The following ZNF385D variants were observed in gnomAD, a reference collection of about 807,000 sequenced individuals.
ZNF385D encodes zinc finger protein 659.
In ZNF385D, 15 loss-of-function variants were observed where a neutral mutation model predicts 35.8. The ratio of observed to expected loss-of-function variants is 0.42; its 90% CI spans 0.28 to 0.64. The LOEUF (loss-of-function observed/expected upper bound fraction) is 0.64. Among genes scored for constraint, ZNF385D ranks in the 30% least tolerant of loss-of-function variants. The pLI is 0.23. For missense variants in ZNF385D, 474 were observed against 494.6 expected (o/e 0.96, Z 0.39); for synonymous variants, 212 against 186.8 (o/e 1.13, Z -1.10).
At chr3:22,039,255 C>CAAAAA (rs376799573) in intron 3 of ZNF385D, among the ~76,000 whole-genome samples, 2 of 104,100 alleles carry the variant, frequency 1.9e-5, no homozygotes, top group Non-Finnish European at 3.8e-5. Flanking sequence ...TAATCCAAGC[C>CAAAAA]AAAAAAAAAA....
intron 2 of ZNF385D, among the ~76,000 whole-genome samples, chr3:22,349,872 G>A (rs1695837632): frequency 6.6e-6 from 1 of 152,050 alleles, no homozygotes; most frequent in Non-Finnish European, 1.5e-5. Flanking sequence ...TCTTGTGTAG[G>A]ACAATAACCA....
At chr3:22,179,237 TG>T (rs1484422322) in intron 2 of ZNF385D, among the ~76,000 whole-genome samples, 1 of 152,220 alleles carries the variant, frequency 6.6e-6, no homozygotes, top group East Asian at 1.9e-4. Flanking sequence ...GTCTTCCATT[TG>T]TTTGTATCCT....
intron 3 of ZNF385D, among the ~76,000 whole-genome samples, chr3:22,045,197 G>A (rs372443469): frequency 6.6e-6 from 1 of 151,944 alleles, no homozygotes; most frequent in African/African-American, 2.4e-5. Flanking sequence ...ATATCATGGG[G>A]CTTTCCTCTA....
chr3:22,177,231 C>T (rs1484657562), intron 2 of ZNF385D, among the ~76,000 whole-genome samples: 3 of 152,074 alleles, frequency 2.0e-5, no homozygotes, highest in African/African-American at 7.2e-5. Context: ...AAACATCAAC[C>T]CTATTTTCTT....
chr3:21,481,669 C>G (rs573039217), intron 4 of ZNF385D, among the ~76,000 whole-genome samples: 1 of 152,072 alleles, frequency 6.6e-6, no homozygotes. Context: ...GCTGGGATTA[C>G]AGGTGACAGC....
chr3:21,738,141 T>C (rs1575565068), intron 1 of ZNF385D, among the ~76,000 whole-genome samples: 1 of 152,168 alleles, frequency 6.6e-6, no homozygotes, highest in Non-Finnish European at 1.5e-5. Flanking sequence ...GAGAGGAGTT[T>C]TGTTTGTGCA....
chr3:22,015,720 C>T (rs550487456), intron 3 of ZNF385D, among the ~76,000 whole-genome samples: 1 of 152,224 alleles, frequency 6.6e-6, no homozygotes, highest in African/African-American at 2.4e-5. Flanking sequence ...CTTGTTTTTA[C>T]TACCATAGTA....
chr3:21,413,728 T>C lies in ZNF385D; in HGVS notation c.*7486A>G, dbSNP rs1700524226. ...TGTAGAGCAAACCATAGTCTATTTT[T>C]AATTTCAAAATAGTGCTCATGTTTG... On this transcript the variant is annotated 3_prime_UTR_variant, in exon 8 of 8. Transcript: ENST00000281523. 1 of 152,128 alleles carries C rather than the reference T, an allele frequency of 6.6e-6. No individual in the cohort carries two copies. The highest frequency in any genetic ancestry group is 2.1e-4 in the South Asian group (1 of 4,834). The allele number at this position is 152,128 out of a possible 1,614,324, so 9.4% of individuals were successfully genotyped here. A position where few individuals can be genotyped will look rare whatever the true frequency, so the allele number is the denominator to read the frequency against.
chr3:21,474,415 T>A (rs1385332146), intron 4 of ZNF385D, among the ~76,000 whole-genome samples: 1 of 152,106 alleles, frequency 6.6e-6, no homozygotes, highest in Admixed American at 6.6e-5. Context: ...CAGAAACAAA[T>A]GTGTGCTAAA....
At chr3:21,538,916 C>A (rs999178887) in intron 3 of ZNF385D, among the ~76,000 whole-genome samples, 1 of 151,970 alleles carries the variant, frequency 6.6e-6, no homozygotes, top group Non-Finnish European at 1.5e-5. Context: ...TGGGGTGATT[C>A]AAAGTCAAGC....
At chr3:21,698,720 C>G (rs1179507251) in intron 1 of ZNF385D, among the ~76,000 whole-genome samples, 2 of 140,790 alleles carry the variant, frequency 1.4e-5, no homozygotes, top group Admixed American at 1.4e-4. Flanking sequence ...ATTTATGCAG[C>G]CAACAAACAT....
At chr3:21,744,653 G>A (rs1412718690) in intron 1 of ZNF385D, among the ~76,000 whole-genome samples, 1 of 152,126 alleles carries the variant, frequency 6.6e-6, no homozygotes, top group Non-Finnish European at 1.5e-5. Context: ...CTATAATTTT[G>A]CTATCTTATA....
intron 2 of ZNF385D, among the ~76,000 whole-genome samples, chr3:21,580,809 A>G (rs185033605): frequency 0.2 from 30,390 of 151,338 alleles, 3,786 homozygotes; most frequent in Non-Finnish European, 0.28. Context: ...ATGTGTGTGT[A>G]TATATATATA....
intron 2 of ZNF385D, among the ~76,000 whole-genome samples, chr3:22,328,389 TTC>T (rs1466295105): frequency 6.6e-6 from 1 of 152,192 alleles, no homozygotes; most frequent in Non-Finnish European, 1.5e-5. Flanking sequence ...ATTTCTATAC[TTC>T]TGATGTTAGT....
chr3:21,801,675 C>T (rs755428931), intron 3 of ZNF385D, among the ~76,000 whole-genome samples: 4 of 152,222 alleles, frequency 2.6e-5, no homozygotes, highest in South Asian at 2.1e-4. Flanking sequence ...GCTAAACTCA[C>T]GCAGCTGATA....
chr3:22,032,317 G>A (rs1301372910), intron 3 of ZNF385D, among the ~76,000 whole-genome samples: 3 of 152,150 alleles, frequency 2.0e-5, no homozygotes, highest in Non-Finnish European at 4.4e-5. Context: ...TGTGGTGGAA[G>A]GCAAAGGAAA....
intron 3 of ZNF385D, among the ~76,000 whole-genome samples, chr3:21,989,118 G>A (rs1188311118): frequency 5.3e-5 from 8 of 152,088 alleles, no homozygotes; most frequent in Non-Finnish European, 7.4e-5. Context: ...CGTCTTCTGC[G>A]TCGCTCACGC....
Position 21,683,307 on chromosome 3 carries a change from G to C in ZNF385D, c.23-18279C>G, listed in dbSNP as rs1372392082. Among the ~76,000 whole-genome samples the C allele has an allele frequency of 3.3e-5, 5 of 149,730 alleles. 1 individual carries two copies. Among genetic ancestry groups the C allele is most frequent in the Admixed American group, 2.0e-4 (3 of 14,968 alleles). On this transcript the variant is annotated intron_variant, in intron 1 of 7. Coordinates refer to ENST00000281523, the MANE Select transcript of ZNF385D (RefSeq NM_024697.3). ...TATTAATTTTGTGGATATTACTTTT[G>C]TGATTAGGTTATGCGACGTGATACA... is the stretch of plus-strand genomic sequence containing the variant.
intron 2 of ZNF385D, among the ~76,000 whole-genome samples, chr3:22,366,148 A>G (rs1032838189): frequency 1.7e-4 from 26 of 152,046 alleles, no homozygotes; most frequent in Admixed American, 1.7e-3. Context: ...CTGGCTGTGT[A>G]TATATTCTTT....
Sources: gnomAD v4.1 joint callset for allele counts (sites outside exome capture counted in the v4.1 genomes callset) on GRCh38, gnomAD v4.1.1 for gene constraint, MANE v1.5 for transcripts, NCBI Gene and HGNC (gene_info 2026-07-23, HGNC 2026-07-21) for gene names.